Variants in ESR1 observed in about 807,000 individuals in gnomAD.
The protein encoded by ESR1 is estrogen receptor 1.
Under a neutral mutation model 52.7 loss-of-function variants are expected in ESR1, and 12 were observed. That is an observed-to-expected ratio of 0.23 (90% CI 0.15 to 0.37). ESR1 has a LOEUF of 0.37. Ranked by LOEUF, ESR1 falls within the 10% of genes least tolerant of loss-of-function variation. The pLI is 1.00. For missense variants in ESR1, 584 were observed against 779.7 expected (o/e 0.75, Z 2.99); for synonymous variants, 305 against 316.8 (o/e 0.96, Z 0.39).
At chr6:152,046,066 G>A (rs2046206305) in intron 5 of ESR1, among the ~76,000 whole-genome samples, 2 of 152,198 alleles carry the variant, frequency 1.3e-5, no homozygotes, top group South Asian at 4.1e-4. Context: ...TTGAAGGAAG[G>A]CAGAGGGAGT....
intron 2 of ESR1, among the ~76,000 whole-genome samples, chr6:151,791,409 C>G (rs180672630): frequency 1.1e-3 from 170 of 152,306 alleles, no homozygotes; most frequent in Middle Eastern, 3.4e-3. Context: ...CGCCTTTGCT[C>G]TTCCTTTGTC....
intron 1 of ESR1, among the ~76,000 whole-genome samples, chr6:151,674,100 G>A (rs1273208661): frequency 6.6e-6 from 1 of 152,104 alleles, no homozygotes; most frequent in Non-Finnish European, 1.5e-5. Context: ...TGCCATGGTT[G>A]TTTGCCGCAC....
intron 5 of ESR1, among the ~76,000 whole-genome samples, chr6:152,044,388 C>T (rs111874639): frequency 5.8e-4 from 89 of 152,304 alleles, no homozygotes; most frequent in African/African-American, 2.0e-3. Context: ...GTACCAAAAT[C>T]TGTATTAGTC....
chr6:152,059,653 A>T (rs1285252500), intron 5 of ESR1, among the ~76,000 whole-genome samples: 1 of 152,180 alleles, frequency 6.6e-6, no homozygotes, highest in African/African-American at 2.4e-5. Flanking sequence ...TTTGAAAGCA[A>T]TGTTTGAACT....
chr6:151,868,127 T>G (rs1273804258), intron 2 of ESR1, among the ~76,000 whole-genome samples: 3 of 151,566 alleles, frequency 2.0e-5, no homozygotes, highest in African/African-American at 2.4e-5. Context: ...CTTTGTTTTT[T>G]TTTGTTTGTT....
intron 5 of ESR1, among the ~76,000 whole-genome samples, chr6:152,027,545 G>A (rs1200096851): frequency 6.6e-6 from 1 of 151,976 alleles, no homozygotes; most frequent in African/African-American, 2.4e-5. Flanking sequence ...GAGAAATTTG[G>A]CTGCATACAA....
intron 4 of ESR1, among the ~76,000 whole-genome samples, chr6:151,986,463 C>T (rs372799770): frequency 6.6e-6 from 1 of 152,022 alleles, no homozygotes; most frequent in Admixed American, 6.6e-5. Context: ...GTGAGCATCC[C>T]CCAGGCCCCT....
intron 6 of ESR1, among the ~76,000 whole-genome samples, chr6:152,123,972 A>G (rs2052404437): frequency 6.6e-6 from 1 of 152,248 alleles, no homozygotes. Context: ...AACAGATAGA[A>G]TCCCCTTAGA....
chr6:152,001,830 A>G (rs1221232951), intron 4 of ESR1, among the ~76,000 whole-genome samples: 1 of 151,986 alleles, frequency 6.6e-6, no homozygotes, highest in Non-Finnish European at 1.5e-5. Flanking sequence ...AATGGAATGA[A>G]TATGGGAGAT....
chr6:151,922,815 G>T (rs919755869), intron 3 of ESR1, among the ~76,000 whole-genome samples: 44 of 151,780 alleles, frequency 2.9e-4, no homozygotes, highest in Admixed American at 2.4e-3. Flanking sequence ...ATATATGTGT[G>T]TGTACCAACC....
At chr6:151,657,145 TA>T (rs1449854471) in intron 1 of ESR1, among the ~76,000 whole-genome samples, 4 of 152,222 alleles carry the variant, frequency 2.6e-5, no homozygotes, top group African/African-American at 9.6e-5. Context: ...TCTATTCATA[TA>T]GGGGCATCAT....
At chr6:151,773,908 G>T (rs75762514) in intron 2 of ESR1, among the ~76,000 whole-genome samples, 2,879 of 152,328 alleles carry the variant, frequency 0.019, 34 homozygotes, top group East Asian at 0.03. Context: ...TATCAGCAAT[G>T]TTATGGTGTT....
chr6:151,930,816 G>T (rs187756838), intron 3 of ESR1, among the ~76,000 whole-genome samples: 14 of 151,798 alleles, frequency 9.2e-5, no homozygotes, highest in Admixed American at 5.9e-4. Flanking sequence ...ATTCTAAATT[G>T]GTCACTTTTT....
intron 1 of ESR1, among the ~76,000 whole-genome samples, chr6:151,841,934 G>T (rs1467077024): frequency 1.3e-5 from 2 of 151,946 alleles, no homozygotes; most frequent in Non-Finnish European, 2.9e-5. Context: ...GTGCAGGCTG[G>T]GCTCAAACTA....
At chr6:152,039,338 A>G (rs2045591899) in intron 5 of ESR1, among the ~76,000 whole-genome samples, 1 of 152,164 alleles carries the variant, frequency 6.6e-6, no homozygotes, top group Admixed American at 6.5e-5. Context: ...CCTGTATTCC[A>G]CACATGTTCT....
At chr6:151,726,480 T>C (rs912507387) in intron 2 of ESR1, among the ~76,000 whole-genome samples, 13 of 152,168 alleles carry the variant, frequency 8.5e-5, no homozygotes, top group African/African-American at 2.4e-4. Context: ...TACAGGCGCC[T>C]GCCACCACTT....
chr6:152,082,371 A>T (rs1288192850), intron 6 of ESR1, among the ~76,000 whole-genome samples: 2 of 152,226 alleles, frequency 1.3e-5, no homozygotes, highest in African/African-American at 2.4e-5. Context: ...CCACATGATT[A>T]TCTCAATAGA....
chr6:151,918,436 G>A (rs1000230884), intron 3 of ESR1, among the ~76,000 whole-genome samples: 2 of 152,250 alleles, frequency 1.3e-5, no homozygotes, highest in Non-Finnish European at 2.9e-5. Flanking sequence ...ATCAAGGGCA[G>A]TTGGTTCACA....
intron 5 of ESR1, among the ~76,000 whole-genome samples, chr6:152,021,501 C>T (rs1465543636): frequency 2.0e-5 from 3 of 152,160 alleles, no homozygotes; most frequent in Non-Finnish European, 2.9e-5. Flanking sequence ...ATAGAAAACA[C>T]ACTGTCCATG....
Sources: allele counts gnomAD v4.1 joint callset (sites outside exome capture counted in the v4.1 genomes callset), GRCh38; gene constraint gnomAD v4.1.1; transcripts MANE v1.5; gene names NCBI Gene and HGNC (gene_info 2026-07-23, HGNC 2026-07-21).